The following PITPNC1 variants were observed in gnomAD, a reference collection of about 807,000 sequenced individuals.
The protein encoded by PITPNC1 is cytoplasmic phosphatidylinositol transfer protein 1.
PITPNC1 carries 18 observed loss-of-function variants against 44.7 expected under a neutral mutation model. The ratio of observed to expected loss-of-function variants is 0.40; its 90% CI spans 0.28 to 0.60. The LOEUF (loss-of-function observed/expected upper bound fraction) is 0.60. Among genes scored for constraint, PITPNC1 ranks in the 20% least tolerant of loss-of-function variants. PITPNC1 has a pLI of 0.39. For missense variants in PITPNC1, 290 were observed against 418.4 expected (o/e 0.69, Z 2.68); for synonymous variants, 141 against 149.6 (o/e 0.94, Z 0.42).
chr17:67,505,118 A>G (rs986356604), intron 1 of PITPNC1, among the ~76,000 whole-genome samples: 1 of 152,130 alleles, frequency 6.6e-6, no homozygotes, highest in Non-Finnish European at 1.5e-5. Flanking sequence ...AAATTTACTG[A>G]AGTTTGTTTT....
At chr17:67,671,321 A>G (rs540826926) in intron 7 of PITPNC1, among the ~76,000 whole-genome samples, 10 of 152,242 alleles carry the variant, frequency 6.6e-5, no homozygotes, top group Middle Eastern at 6.8e-3. Flanking sequence ...AGCTGCTCTC[A>G]TTTTCATAAG....
intron 1 of PITPNC1, among the ~76,000 whole-genome samples, chr17:67,383,144 G>C (rs1050188777): frequency 6.6e-6 from 1 of 150,738 alleles, no homozygotes; most frequent in Non-Finnish European, 1.5e-5. Flanking sequence ...TTACAGGCTT[G>C]TACCACCCCA....
intron 1 of PITPNC1, among the ~76,000 whole-genome samples, chr17:67,490,757 GAGAACATAGCA>G (rs1011970609): frequency 2.6e-5 from 4 of 152,332 alleles, no homozygotes; most frequent in Non-Finnish European, 5.9e-5. Context: ...TCAGTCACGA[GAGAACATAGCA>G]CAGGACTCTG....
At chr17:67,386,570 G>A (rs575371297) in intron 1 of PITPNC1, among the ~76,000 whole-genome samples, 1 of 152,342 alleles carries the variant, frequency 6.6e-6, no homozygotes, top group East Asian at 1.9e-4. Flanking sequence ...GGTATGAGAT[G>A]GGGAGTGGGG....
intron 6 of PITPNC1, among the ~76,000 whole-genome samples, chr17:67,645,282 G>A (rs1037001039): frequency 3.3e-5 from 5 of 151,456 alleles, no homozygotes; most frequent in African/African-American, 9.7e-5. Context: ...CGGAGGTTGC[G>A]GTGAGCCAAG....
chr17:67,445,280 A>G (rs1437046572), intron 1 of PITPNC1, among the ~76,000 whole-genome samples: 1 of 152,060 alleles, frequency 6.6e-6, no homozygotes, highest in Non-Finnish European at 1.5e-5. Flanking sequence ...CGTTAGGCAG[A>G]TAAGGGAACT....
intron 1 of PITPNC1, among the ~76,000 whole-genome samples, chr17:67,433,389 G>T (rs1349230740): frequency 6.6e-6 from 1 of 152,196 alleles, no homozygotes; most frequent in African/African-American, 2.4e-5. Flanking sequence ...GCACAAACAC[G>T]GCTGTGCTTC....
chr17:67,653,814 GC>G (rs141790070), intron 6 of PITPNC1, among the ~76,000 whole-genome samples: 4,663 of 152,264 alleles, frequency 0.031, 105 homozygotes, highest in Middle Eastern at 0.082. Flanking sequence ...AGAGAGCCCT[GC>G]CCTGGCTTGG....
intron 7 of PITPNC1, among the ~76,000 whole-genome samples, chr17:67,674,885 G>A (rs1266120451): frequency 6.6e-6 from 1 of 151,806 alleles, no homozygotes; most frequent in Non-Finnish European, 1.5e-5. Context: ...GGTGGCCCAC[G>A]CCTGTAGTCC....
At chr17:67,620,403 G>T (rs2041814454) in intron 5 of PITPNC1, among the ~76,000 whole-genome samples, 4 of 152,146 alleles carry the variant, frequency 2.6e-5, no homozygotes, top group Admixed American at 2.6e-4. Flanking sequence ...TAACTGAGCT[G>T]TCACTGAAAG....
At chr17:67,421,313 G>A (rs192440458) in intron 1 of PITPNC1, among the ~76,000 whole-genome samples, 44 of 152,092 alleles carry the variant, frequency 2.9e-4, no homozygotes, top group Admixed American at 1.1e-3. Context: ...ATGGTGTTTC[G>A]CTCTTGTCAC....
chr17:67,519,748 G>A (rs1420606981), intron 1 of PITPNC1, among the ~76,000 whole-genome samples: 1 of 152,180 alleles, frequency 6.6e-6, no homozygotes, highest in African/African-American at 2.4e-5. Context: ...TAAGTAGGGT[G>A]AGCAAAGATG....
At chr17:67,433,984 G>A (rs966718886) in intron 1 of PITPNC1, among the ~76,000 whole-genome samples, 2 of 152,180 alleles carry the variant, frequency 1.3e-5, no homozygotes, top group African/African-American at 2.4e-5. Flanking sequence ...AGGGTGGTCA[G>A]GATGGGGCAA....
chr17:67,621,947 T>C (rs1357181877), intron 5 of PITPNC1, among the ~76,000 whole-genome samples: 1 of 152,112 alleles, frequency 6.6e-6, no homozygotes, highest in African/African-American at 2.4e-5. Context: ...CAAGACCCTG[T>C]ATCTATTTGC....
Position 67,413,756 on chromosome 17 carries a change from G to T in PITPNC1, c.48+35554G>T, listed in dbSNP as rs200680575. ...TCCAGAACCCCAAATCATTGATGTT[G>T]CTTCGCAGGCATGCAGACAGTTCGA... On this transcript the variant is annotated intron_variant, in intron 1 of 8. Transcript: ENST00000581322. Among the ~76,000 whole-genome samples the T allele has an allele frequency of 2.0e-5, 3 of 152,196 alleles. No homozygotes were observed. The East Asian group carries it at 5.8e-4, about 29-fold the overall frequency.
intron 1 of PITPNC1, among the ~76,000 whole-genome samples, chr17:67,407,334 G>A (rs945856817): frequency 8.6e-5 from 13 of 152,040 alleles, no homozygotes; most frequent in Non-Finnish European, 1.9e-4. Flanking sequence ...CAAATCCTTT[G>A]TCTAGTTTTC....
chr17:67,508,743 A>T lies in PITPNC1; in HGVS notation c.49-24059A>T, dbSNP rs753561370. ...AGGCAAATTCATAGAGTCAGAAGGT[A>T]GAATGGTGGTTGCCAGGGGCCAGAG... On this transcript the variant is annotated intron_variant, in intron 1 of 8. Coordinates refer to ENST00000581322, the MANE Select transcript of PITPNC1 (RefSeq NM_012417.4). The surrounding 1 kb of genome is among the most constrained non-coding windows in gnomAD (Gnocchi z 4.2). Among the ~76,000 whole-genome samples, 19 of 152,154 alleles carry T rather than the reference A, an allele frequency of 1.2e-4. No homozygotes were observed. Among genetic ancestry groups the T allele is most frequent in the Non-Finnish European group, 2.6e-4 (18 of 68,030 alleles).
At chr17:67,451,093 A>G (rs8077132) in intron 1 of PITPNC1, among the ~76,000 whole-genome samples, 2,360 of 152,090 alleles carry the variant, frequency 0.016, 57 homozygotes, top group African/African-American at 0.053. Context: ...GTGCAGTGGC[A>G]CGATCTTGGC....
intron 1 of PITPNC1, among the ~76,000 whole-genome samples, chr17:67,440,692 C>T (rs1441897538): frequency 4.0e-5 from 6 of 151,476 alleles, no homozygotes; most frequent in Non-Finnish European, 8.8e-5. Flanking sequence ...ACCGTCATGC[C>T]TGGCTGATTT....
Sources: allele counts gnomAD v4.1 joint callset (sites outside exome capture counted in the v4.1 genomes callset), GRCh38; gene constraint gnomAD v4.1.1; non-coding constraint Gnocchi (gnomAD v3.1); transcripts MANE v1.5; gene names NCBI Gene and HGNC (gene_info 2026-07-23, HGNC 2026-07-21).